The following SHOC1 variants were observed in gnomAD, a reference collection of about 807,000 sequenced individuals.
SHOC1 encodes the protein shortage in chiasmata 1, also known as protein shortage in chiasmata 1 ortholog.
SHOC1 carries 136 observed loss-of-function variants against 179.2 expected under a neutral mutation model. The ratio of observed to expected loss-of-function variants is 0.76; its 90% confidence interval spans 0.66 to 0.87. The LOEUF (loss-of-function observed/expected upper bound fraction) is 0.87, where lower values mean the gene tolerates loss of function less well. SHOC1 is among the 40% of genes least tolerant of loss of function. The pLI is 0.00. For synonymous variants in SHOC1, 489 were observed against 586.6 expected, an observed-to-expected ratio of 0.83 and a Z score of 2.41; for missense variants, 1,538 against 1,700.8, an observed-to-expected ratio of 0.90 and a Z score of 1.68.
At chr9:111,790,606 G>C (rs762279577) in intron 2 of SHOC1, among the ~76,000 whole-genome samples, 2 of 148,324 alleles carry the variant, frequency 1.3e-5, no homozygotes, top group Admixed American at 1.4e-4. Context: ...GGGCAGTGGC[G>C]CAGTCTCGGC....
At chr9:111,762,423 T>A (rs973936669) in intron 5 of SHOC1, among the ~76,000 whole-genome samples, 9 of 149,826 alleles carry the variant, frequency 6.0e-5, no homozygotes, top group African/African-American at 1.5e-4. Context: ...AGTCTCAATT[T>A]AAAAAAAAAG....
chr9:111,739,488 CT>C (rs1170667886), intron 11 of SHOC1, among the ~76,000 whole-genome samples: 4 of 151,422 alleles, frequency 2.6e-5, no homozygotes, highest in Non-Finnish European at 5.9e-5. Context: ...CCCCCAACCC[CT>C]GTCCCACTGT....
chr9:111,687,758 T>C (rs943221146), intron 27 of SHOC1, among the ~76,000 whole-genome samples: 3 of 151,604 alleles, frequency 2.0e-5, no homozygotes, highest in African/African-American at 4.9e-5. Context: ...TCTTCTTCTT[T>C]TTTTTTTTCT....
At chr9:111,746,472 TAA>T in intron 9 of SHOC1, 130 bp from the exon 10 acceptor site, 1 of 529,616 alleles carries the variant, frequency 1.9e-6, no homozygotes, top group East Asian at 3.1e-5. Flanking sequence ...TCCAGGAGTT[TAA>T]GACCTGGGCA....
chr9:111,689,345 A>ATT (rs1554707157), intron 27 of SHOC1, among the ~76,000 whole-genome samples: 45 of 109,190 alleles, frequency 4.1e-4, no homozygotes, highest in African/African-American at 2.6e-3. Context: ...TAATAATAAT[A>ATT]ATAATTATTA....
At chr9:111,751,931 TAC>T (rs1052269165) in intron 8 of SHOC1, among the ~76,000 whole-genome samples, 4 of 152,230 alleles carry the variant, frequency 2.6e-5, no homozygotes, top group African/African-American at 9.6e-5. Context: ...AATGGAGTTT[TAC>T]TTCTAGCAAT....
intron 23 of SHOC1, among the ~76,000 whole-genome samples, chr9:111,701,780 C>T (rs1415323398): frequency 6.6e-6 from 1 of 152,010 alleles, no homozygotes; most frequent in East Asian, 1.9e-4. Flanking sequence ...TTATACCAAC[C>T]TGATAACAAG....
intron 22 of SHOC1, among the ~76,000 whole-genome samples, chr9:111,703,627 A>C (rs557867260): frequency 1.3e-5 from 2 of 152,256 alleles, no homozygotes; most frequent in Middle Eastern, 3.4e-3. Flanking sequence ...AATATACTTA[A>C]AATAGGTTAA....
At chr9:111,719,177 G>A (rs1832928592) in intron 15 of SHOC1, among the ~76,000 whole-genome samples, 1 of 152,122 alleles carries the variant, frequency 6.6e-6, no homozygotes, top group African/African-American at 2.4e-5. Flanking sequence ...ACATATTTGG[G>A]GAACTGGAAA....
chr9:111,775,889 A>T lies in SHOC1; in HGVS notation c.344T>A (p.Val115Glu), dbSNP rs148914231. ...PSSNPDSQIE[V>E]EEVSLYTHMD... Reference sequence around the variant, plus strand: ...GTGGGTGTATAAACTGACCTCCTCTACTTCAATTTGGGAGTCTGGATTTGA... The same window carrying T: ...GTGGGTGTATAAACTGACCTCCTCTTCTTCAATTTGGGAGTCTGGATTTGA... Residue 115 changes from valine to glutamate, a missense_variant, in exon 5 of 28, where the codon GTA becomes GAA. Physicochemically the swap from Val to Glu is moderately radical, Grantham distance 121 (BLOSUM62 -2). Coordinates refer to ENST00000682961, the MANE Select transcript of SHOC1 (RefSeq NM_001378211.1). 1.7e-3 allele frequency: 2,728 copies of T among 1,613,666 alleles called. 9 individuals carry two copies. The highest frequency in any genetic ancestry group is 2.0e-3 in the Non-Finnish European group (2,385 of 1,179,684).
At chr9:111,728,881 C>T (rs1412312389) in intron 12 of SHOC1, among the ~76,000 whole-genome samples, 1 of 152,074 alleles carries the variant, frequency 6.6e-6, no homozygotes, top group Non-Finnish European at 1.5e-5. Flanking sequence ...GTTCAGTTCT[C>T]GACCATCACA....
intron 12 of SHOC1, among the ~76,000 whole-genome samples, chr9:111,736,356 C>T (rs1833811959): frequency 6.6e-6 from 1 of 151,990 alleles, no homozygotes; most frequent in Non-Finnish European, 1.5e-5. Flanking sequence ...GGTACTGGTA[C>T]AAAAAGAGAT....
intron 5 of SHOC1, among the ~76,000 whole-genome samples, chr9:111,775,187 G>T (rs1471190596): frequency 6.6e-6 from 1 of 151,882 alleles, no homozygotes; most frequent in African/African-American, 2.4e-5. Context: ...TAGAGATGGG[G>T]TTTCACCATG....
chr9:111,726,812 G>T (rs1384801052), intron 13 of SHOC1, among the ~76,000 whole-genome samples: 4 of 152,034 alleles, frequency 2.6e-5, no homozygotes, highest in Non-Finnish European at 5.9e-5. Context: ...ATGTAAAAGT[G>T]CTTTATAAAG....
intron 15 of SHOC1, 102 bp downstream of exon 15, chr9:111,722,307 C>G (rs958484479): frequency 1.5e-5 from 16 of 1,063,408 alleles, no homozygotes; most frequent in Non-Finnish European, 2.0e-5. Flanking sequence ...ATGCCACCAT[C>G]TATGGCTAAT....
At chr9:111,711,321 T>G (rs1256877991) in intron 18 of SHOC1, among the ~76,000 whole-genome samples, 2 of 152,068 alleles carry the variant, frequency 1.3e-5, no homozygotes, top group Non-Finnish European at 2.9e-5. Flanking sequence ...GCCCAACCTT[T>G]CTTAATTGAT....
chr9:111,791,295 C>A, intron 2 of SHOC1, 79 bp downstream of exon 2: 1 of 729,946 alleles, frequency 1.4e-6, no homozygotes, highest in South Asian at 4.1e-5. Context: ...ATAAGGGATA[C>A]TCAACCTATA....
chr9:111,708,990 G>A (rs1298193848), intron 18 of SHOC1, among the ~76,000 whole-genome samples: 1 of 152,174 alleles, frequency 6.6e-6, no homozygotes, highest in Non-Finnish European at 1.5e-5. Context: ...AGTTCTGGTA[G>A]TGATAAGAAG....
At chr9:111,706,800 T>C in intron 19 of SHOC1, 54 bp from the exon 20 acceptor site, 1 of 1,231,132 alleles carries the variant, frequency 8.1e-7, no homozygotes, top group South Asian at 1.9e-5. Flanking sequence ...TATTATTTTG[T>C]TGAACTATTA....
Sources: gnomAD v4.1 joint callset for allele counts (sites outside exome capture counted in the v4.1 genomes callset) on GRCh38, gnomAD v4.1.1 for gene constraint, MANE v1.5 for transcripts, NCBI Gene and HGNC (gene_info 2026-07-23, HGNC 2026-07-21) for gene names.